OCRL: variants seen among roughly 807,000 people sequenced by gnomAD.
OCRL encodes the protein OCRL inositol polyphosphate-5-phosphatase, also known as inositol polyphosphate 5-phosphatase OCRL.
Under a neutral mutation model 78.9 loss-of-function variants are expected in OCRL, and 8 were observed. That is an observed-to-expected ratio of 0.10 (90% CI 0.06 to 0.18). The LOEUF is 0.18. Among genes scored for constraint, OCRL ranks in the 10% least tolerant of loss-of-function variants. OCRL has a pLI of 1.00. For synonymous variants in OCRL, 240 were observed against 235.4 expected (o/e 1.02, Z -0.18); for missense variants, 454 against 696.7 (o/e 0.65, Z 3.92).
At chrX:129,586,780 C>T (rs1936516258) in intron 19 of OCRL, 1 of 521,962 alleles carries the variant, frequency 1.9e-6, no homozygotes, top group Non-Finnish European at 3.5e-6. Context: ...AAATGAAATG[C>T]AGAACAATTA....
chrX:129,547,325 A>G lies in OCRL; in HGVS notation c.200-1238A>G, dbSNP rs1325319503. 2.7e-5 allele frequency among the ~76,000 whole-genome samples: 3 copies of G among 109,961 alleles called. No homozygotes were observed. In the Admixed American group the frequency reaches 2.9e-4, roughly 11 times the overall value. On this transcript the variant is annotated intron_variant, in intron 3 of 23. Coordinates refer to ENST00000371113, the MANE Select transcript of OCRL (RefSeq NM_000276.4). ...CAGATCACAAGGTCAGGAGATTGAG[A>G]CCATCCTGGCTAACACGATGAAACC...
intron 22 of OCRL, chrX:129,589,593 G>A: frequency 4.9e-6 from 2 of 404,410 alleles, no homozygotes; most frequent in East Asian, 4.3e-5. Context: ...GAGGCAGGGT[G>A]TGCGTATGAA....
chrX:129,551,108 A>T (rs754120023), intron 4 of OCRL, among the ~76,000 whole-genome samples: 1 of 111,699 alleles, frequency 9.0e-6, no homozygotes, highest in Non-Finnish European at 1.9e-5. Flanking sequence ...CTAAAATTAA[A>T]CTGTCCCTTG....
rs1368090073 is a variant in OCRL, at chrX:129,560,595, C to T, written c.768C>T (p.Ser256=). 4.2e-6 allele frequency: 5 copies of T among 1,203,798 alleles called. No individual in the cohort carries two copies. The highest frequency in any genetic ancestry group is 3.0e-5 in the East Asian group (1 of 33,722). ...TWNVNGQSPD[S]GLEPWLNCDP... is the part of the protein sequence containing the mutation. Reference sequence around the variant, plus strand: ...ATGTGAATGGCCAGTCTCCAGATAGCGGGTTAGAACCTTGGCTGAACTGTG... The same window carrying T: ...ATGTGAATGGCCAGTCTCCAGATAGTGGGTTAGAACCTTGGCTGAACTGTG... Residue 256 remains serine (S), a synonymous_variant, in exon 9 of 24, where the codon AGC becomes AGT. Coordinates refer to ENST00000371113, the MANE Select transcript of OCRL (RefSeq NM_000276.4).
intron 13 of OCRL, among the ~76,000 whole-genome samples, chrX:129,566,633 T>C (rs186306308): frequency 2.8e-3 from 315 of 112,390 alleles, no homozygotes; most frequent in African/African-American, 9.6e-3. Context: ...TAAATCGTTA[T>C]GAGAGCCTTT....
intron 19 of OCRL, 50 bp from the exon 20 acceptor site, chrX:129,586,952 A>G (rs951718599): frequency 7.4e-6 from 6 of 814,518 alleles, no homozygotes; most frequent in Admixed American, 6.6e-5. Context: ...TTATACACCA[A>G]AGTCTTTATT....
At chrX:129,562,272 T>A in intron 10 of OCRL, 112 bp from the exon 11 acceptor site, 1 of 604,372 alleles carries the variant, frequency 1.7e-6, no homozygotes, top group Non-Finnish European at 2.9e-6. Flanking sequence ...GGATATGAAG[T>A]CAGATTTGGG....
rs17304776 is a variant in OCRL, at chrX:129,574,933, G to T, written c.1603-207G>T. Reference sequence around the variant, plus strand: ...AGACTCTTGGAGGTATAAAAGTTGAGAACACATAAAACTAAAGCAAGGATC... The same window carrying T: ...AGACTCTTGGAGGTATAAAAGTTGATAACACATAAAACTAAAGCAAGGATC... On this transcript the variant is annotated intron_variant, in intron 15 of 23. Coordinates refer to ENST00000371113, the MANE Select transcript of OCRL (RefSeq NM_000276.4). Among the ~76,000 whole-genome samples the T allele has an allele frequency of 0.12, 13,955 of 111,750 alleles. 757 individuals are homozygous for T. Among genetic ancestry groups the T allele is most frequent in the Non-Finnish European group, 0.17 (9,112 of 53,053 alleles).
intron 15 of OCRL, among the ~76,000 whole-genome samples, chrX:129,570,286 T>C (rs769871795): frequency 8.0e-5 from 9 of 112,168 alleles, no homozygotes; most frequent in Admixed American, 7.6e-4. Context: ...TTCTGGGATT[T>C]GCATCCGAGT....
Position 129,584,361 on chromosome X carries a change from AGAAAAG to A in OCRL, c.2135_2139+1del. 1 of 1,207,311 alleles carries A rather than the reference AGAAAAG, an allele frequency of 8.3e-7. No homozygotes were observed. On this transcript the variant is annotated inframe_deletion and splice_region_variant, in exon 19 of 24. Coordinates refer to ENST00000371113, the MANE Select transcript of OCRL (RefSeq NM_000276.4). ...GCTCTCAGGAAGAAGACAGCTTCCT[AGAAAAG>A]GTAATGCAATCCATTGGTGGTTATG...
Position 129,576,380 on chromosome X carries a change from C to A in OCRL, c.1943C>A (p.Ser648Ter). 8.3e-7 allele frequency: 1 copy of A among 1,211,051 alleles called. No individual in the cohort carries two copies. Among genetic ancestry groups the A allele is most frequent in the Non-Finnish European group, 1.1e-6 (1 of 894,948 alleles). The change falls in exon 18 of 24, where the codon TCG becomes TAG. Residue 648 changes from serine to a stop codon, truncating the protein, a stop_gained. Transcript: ENST00000371113. LOFTEE classifies it high-confidence loss of function. The part of the protein sequence containing the change: ...VSKDSVTILN[S>*]GEDKIEDILV... ...AAAGACTCTGTAACCATCCTGAACT[C>A]GGGAGAAGATAAGATTGAAGATATT...
intron 4 of OCRL, among the ~76,000 whole-genome samples, chrX:129,552,486 G>T (rs769158759): frequency 1.8e-5 from 2 of 111,676 alleles, no homozygotes; most frequent in Non-Finnish European, 3.8e-5. Context: ...GGGCAGTGGC[G>T]CGATCTCAGC....
chrX:129,568,882 G>T (rs890100627), intron 14 of OCRL, among the ~76,000 whole-genome samples: 1 of 112,573 alleles, frequency 8.9e-6, no homozygotes. Flanking sequence ...ATAGAGTAAA[G>T]GAAAAGGAAG....
chrX:129,582,633 A>G (rs980341816), intron 18 of OCRL, among the ~76,000 whole-genome samples: 5 of 112,342 alleles, frequency 4.5e-5, no homozygotes, highest in Non-Finnish European at 1.9e-5. Flanking sequence ...GGGCACTCAA[A>G]ATCAACTTGA....
Position 129,590,064 on chromosome X carries a change from T to G in OCRL, c.2582-82T>G, listed in dbSNP as rs1936567938. ...CAGGCACATGGCAGTCAATAGTCCT[T>G]GTCCCCAGGCCCTCCAGCCCTGAGG... On this transcript the variant is annotated intron_variant, in intron 23 of 23. Transcript: ENST00000371113. The G allele has an allele frequency of 3.4e-6, 4 of 1,187,269 alleles. No individual in the cohort carries two copies. The Admixed American group carries it at 8.7e-5, about 26-fold the overall frequency.
At chrX:129,561,434 T>G in intron 10 of OCRL, 141 bp downstream of exon 10, 1 of 470,006 alleles carries the variant, frequency 2.1e-6, no homozygotes, top group Admixed American at 3.2e-5. Flanking sequence ...GGCAGATTGA[T>G]CATTCATCCT....
rs267606344 is a variant in OCRL, at chrX:129,589,929, T to G, written c.2554T>G (p.Tyr852Asp). 1.7e-6 allele frequency: 2 copies of G among 1,206,167 alleles called. No homozygotes were observed. Among genetic ancestry groups the G allele is most frequent in the Admixed American group, 4.3e-5 (2 of 46,033 alleles). Reference sequence around the variant, plus strand: ...TCGAGAACTCTTAAAATTCTCTGAATACAATAGCGTCAATGCCAACATGAT... The same window carrying G: ...TCGAGAACTCTTAAAATTCTCTGAAGACAATAGCGTCAATGCCAACATGAT... ...FLRELLKFSE[Y>D]NSVNANMIAT... Residue 852 changes from tyrosine to aspartate, a missense_variant, in exon 23 of 24, where the codon TAC (tyrosine) becomes GAC (aspartate). Physicochemically the swap from Tyr to Asp is radical, Grantham distance 160 (BLOSUM62 -3). Transcript: ENST00000371113.
At position 129,590,153 on chromosome X, in the gene OCRL, C is replaced by G; in HGVS notation, c.2589C>G (p.Leu863=). The G allele has an allele frequency of 8.3e-7, 1 of 1,211,480 alleles. No individual in the cohort carries two copies. Among genetic ancestry groups the G allele is most frequent in the South Asian group, 1.8e-5 (1 of 56,963 alleles). The change falls in exon 24 of 24, where the codon CTC becomes CTG. Residue 863 remains leucine (L), a synonymous_variant. Transcript: ENST00000371113. ...NSVNANMIAT[L]FTSLLLRPPP... ...CTTTCTCTCGTCTTGTAGCTACTCT[C>G]TTCACTAGTCTTCTCCTGAGGCCTC...
At chrX:129,545,067 A>G in intron 3 of OCRL, 30 bp downstream of exon 3, 1 of 809,475 alleles carries the variant, frequency 1.2e-6, no homozygotes, top group Non-Finnish European at 1.9e-6. Context: ...AGCTAGTTTT[A>G]TAATGTTTTT....
Sources: gnomAD v4.1 joint callset for allele counts (sites outside exome capture counted in the v4.1 genomes callset) on GRCh38, gnomAD v4.1.1 for gene constraint, MANE v1.5 for transcripts, NCBI Gene and HGNC (gene_info 2026-07-23, HGNC 2026-07-21) for gene names.